Variants in TENM2 observed in about 807,000 individuals in gnomAD.
TENM2 encodes teneurin-2.
Under a neutral mutation model 245.2 loss-of-function variants are expected in TENM2, and 52 were observed. The ratio of observed to expected loss-of-function variants is 0.21; its 90% CI spans 0.17 to 0.27. TENM2 has a LOEUF of 0.27. TENM2 is among the 10% of genes least tolerant of loss of function. The probability of loss-of-function intolerance (pLI) is 1.00; values close to 1 mark genes in which losing one functional copy is unlikely to be tolerated. For synonymous variants in TENM2, 1,363 were observed against 1,438.9 expected (o/e 0.95, Z 1.19); for missense variants, 3,046 against 3,666.8 (o/e 0.83, Z 4.37).
At chr5:168,242,623 G>T (rs1057142039) in intron 25 of TENM2, among the ~76,000 whole-genome samples, 3 of 152,134 alleles carry the variant, frequency 2.0e-5, no homozygotes, top group Non-Finnish European at 2.9e-5. Flanking sequence ...CTAACACAAT[G>T]CCTGTATATA....
At chr5:168,258,463 TGCACTCCA>T (rs1767882932) in intron 27 of TENM2, among the ~76,000 whole-genome samples, 1 of 151,948 alleles carries the variant, frequency 6.6e-6, no homozygotes, top group Non-Finnish European at 1.5e-5. Flanking sequence ...ATCGCGCCAC[TGCACTCCA>T]GCCTGGGTGA....
intron 2 of TENM2, among the ~76,000 whole-genome samples, chr5:167,717,302 C>T (rs1759337019): frequency 6.6e-6 from 1 of 152,152 alleles, no homozygotes; most frequent in Admixed American, 6.5e-5. Context: ...ATCCTGCTTT[C>T]CTGACCTTGG....
At chr5:167,614,845 C>T (rs557945048) in intron 2 of TENM2, among the ~76,000 whole-genome samples, 37 of 152,178 alleles carry the variant, frequency 2.4e-4, no homozygotes, top group African/African-American at 8.4e-4. Flanking sequence ...CACATCAATC[C>T]CGCATCCCCT....
chr5:167,026,148 A>G, the TENM2 span, among the ~76,000 whole-genome samples: 1 of 152,200 alleles, frequency 6.6e-6, no homozygotes, highest in Non-Finnish European at 1.5e-5. Context: ...TATCTGAGTC[A>G]GTAACTGCAC....
intron 2 of TENM2, among the ~76,000 whole-genome samples, chr5:167,575,474 GCTC>G (rs1421843343): frequency 3.9e-5 from 6 of 152,078 alleles, no homozygotes; most frequent in Admixed American, 1.3e-4. Flanking sequence ...AACCGGACTT[GCTC>G]CTCAATATCA....
At chr5:167,598,153 C>T (rs145726909) in intron 2 of TENM2, among the ~76,000 whole-genome samples, 1,641 of 152,302 alleles carry the variant, frequency 0.011, 96 homozygotes, top group Admixed American at 0.092. Flanking sequence ...TTTTACTTTA[C>T]GTACCAGGAG....
In TENM2 at chr5:167,690,920, AGTATGTGTGTGTGT is replaced by A. The variant is rs142945486; in HGVS notation, c.503-185063_503-185050del. ...ATTTGTATATATATCCGTATATGCG[AGTATGTGTGTGTGT>A]GTGTGTGTGTGTGTGTGTGTGTGTG... On this transcript the variant is annotated intron_variant, in intron 2 of 28. Coordinates refer to ENST00000518659, the Ensembl canonical transcript of TENM2. 0.011 allele frequency among the ~76,000 whole-genome samples: 1,472 copies of A among 136,506 alleles called. 57 individuals carry two copies. In the East Asian group the frequency reaches 0.12, roughly 11 times the overall value. 89.6% of individuals were successfully genotyped at this position (136,506 alleles called of 152,430 possible).
rs73801392 is a variant in TENM2, at chr5:167,770,380, C to T, written c.503-105606C>T. Reference sequence around the variant, plus strand: ...AGGAGAAGTTACGGATGGCTGCAGCCAAGGAAAGCAAGGTCCAAAGTGATT... The same window carrying T: ...AGGAGAAGTTACGGATGGCTGCAGCTAAGGAAAGCAAGGTCCAAAGTGATT... On this transcript the variant is annotated intron_variant, in intron 2 of 28. Transcript: ENST00000518659. 7.3e-3 allele frequency among the ~76,000 whole-genome samples: 1,115 copies of T among 152,148 alleles called. 11 individuals carry two copies. Among genetic ancestry groups the T allele is most frequent in the African/African-American group, 0.025 (1,049 of 41,498 alleles).
chr5:167,409,131 A>C (rs1265658332), intron 2 of TENM2, among the ~76,000 whole-genome samples: 6 of 151,942 alleles, frequency 3.9e-5, no homozygotes, highest in Admixed American at 2.0e-4. Context: ...AATGAACTCA[A>C]GTCTACCTGT....
rs201553774 is a variant in TENM2, at chr5:168,070,793, AAGAGAG to A, written c.1515+8550_1515+8555del. On this transcript the variant is annotated intron_variant, in intron 7 of 28. Coordinates refer to ENST00000518659, the Ensembl canonical transcript of TENM2. ...AGTGAGATCCTGTCAGAAAGAAAGA[AAGAGAG>A]AGAGAGAGAGAGAGAGAGAGAAAAA... is the stretch of plus-strand genomic sequence containing the variant. Among the ~76,000 whole-genome samples, 397 of 89,416 alleles carry A rather than the reference AAGAGAG, an allele frequency of 4.4e-3. 4 individuals carry two copies. The highest frequency in any genetic ancestry group is 0.014 in the African/African-American group (339 of 23,712). The allele number at this position is 89,416 out of a possible 152,430, so 58.7% of individuals were successfully genotyped here. A position where few individuals can be genotyped will look rare whatever the true frequency, so the allele number is the denominator to read the frequency against.
At chr5:167,731,375 A>G (rs935800482) in intron 2 of TENM2, among the ~76,000 whole-genome samples, 4 of 152,016 alleles carry the variant, frequency 2.6e-5, no homozygotes, top group Non-Finnish European at 5.9e-5. Flanking sequence ...TGCTCTGAGA[A>G]CATCTTTTAT....
At chr5:167,740,274 C>G (rs1761089859) in intron 2 of TENM2, among the ~76,000 whole-genome samples, 1 of 152,200 alleles carries the variant, frequency 6.6e-6, no homozygotes, top group South Asian at 2.1e-4. Flanking sequence ...TATGGAAACA[C>G]AAATGCAGAA....
At chr5:167,803,523 T>C (rs1272462068) in intron 2 of TENM2, among the ~76,000 whole-genome samples, 1 of 151,852 alleles carries the variant, frequency 6.6e-6, no homozygotes, top group Non-Finnish European at 1.5e-5. Context: ...GGACAGGGAG[T>C]CGGGAAGCAC....
the TENM2 span, among the ~76,000 whole-genome samples, chr5:167,243,421 A>G: frequency 2.0e-5 from 3 of 152,144 alleles, no homozygotes; most frequent in Admixed American, 6.6e-5. Context: ...TTCGAAGGAC[A>G]TTATTTTAGT....
At chr5:167,471,966 C>T (rs1322472430) in intron 2 of TENM2, among the ~76,000 whole-genome samples, 7 of 152,282 alleles carry the variant, frequency 4.6e-5, no homozygotes, top group Admixed American at 6.5e-5. Context: ...TGGTATGCAA[C>T]GCCATTGCCA....
At chr5:167,934,736 C>T (rs949880484) in intron 3 of TENM2, 6 of 350,262 alleles carry the variant, frequency 1.7e-5, no homozygotes, top group African/African-American at 6.7e-5. Flanking sequence ...CAATATCGCT[C>T]GAACCTTCCC....
intron 7 of TENM2, among the ~76,000 whole-genome samples, chr5:168,075,085 C>T (rs552534616): frequency 1.3e-5 from 2 of 152,232 alleles, no homozygotes; most frequent in East Asian, 1.9e-4. Context: ...TCCCTCACCC[C>T]GCTTCCACCC....
the TENM2 span, among the ~76,000 whole-genome samples, chr5:167,238,502 A>G: frequency 1.4e-4 from 22 of 152,140 alleles, no homozygotes; most frequent in Non-Finnish European, 3.1e-4. Flanking sequence ...TGTTCTCAAA[A>G]TCAAAATATG....
intron 25 of TENM2, among the ~76,000 whole-genome samples, chr5:168,233,810 A>T (rs1176991406): frequency 2.6e-5 from 4 of 152,312 alleles, no homozygotes; most frequent in Middle Eastern, 3.4e-3. Flanking sequence ...GGCAAAAGGC[A>T]CTTCTTACTT....
Sources: gnomAD v4.1 joint callset for allele counts (sites outside exome capture counted in the v4.1 genomes callset) on GRCh38, gnomAD v4.1.1 for gene constraint, MANE v1.5 for transcripts, NCBI Gene and HGNC (gene_info 2026-07-23, HGNC 2026-07-21) for gene names.